Variants in ENTREP1 observed in about 807,000 individuals in gnomAD.
The protein encoded by ENTREP1 is Friedreich ataxia region gene X123.
At chr9:69,384,816 C>T in the ENTREP1 span, among the ~76,000 whole-genome samples, 1 of 143,234 alleles carries the variant, frequency 7.0e-6, no homozygotes, top group African/African-American at 2.6e-5. Flanking sequence ...TAATGTAATA[C>T]TTTGTGTTCT....
At chr9:69,364,913 T>G in the ENTREP1 span, among the ~76,000 whole-genome samples, 1 of 152,170 alleles carries the variant, frequency 6.6e-6, no homozygotes, top group Non-Finnish European at 1.5e-5. Context: ...TGACTTTGAC[T>G]TGTACTTGGC....
chr9:69,354,227 TC>T, the ENTREP1 span, among the ~76,000 whole-genome samples: 1 of 151,620 alleles, frequency 6.6e-6, no homozygotes. Context: ...AGTAAGTCCC[TC>T]TTTCTCTTGT....
At chr9:69,388,613 G>A in the ENTREP1 span, among the ~76,000 whole-genome samples, 66,154 of 152,004 alleles carry the variant, frequency 0.44, 14,885 homozygotes, top group African/African-American at 0.55. Context: ...AAGCCGGGGA[G>A]CTTTCTTTCA....
At chr9:69,386,312 T>A in the ENTREP1 span, 5 of 161,650 alleles carry the variant, frequency 3.1e-5, no homozygotes, top group African/African-American at 1.2e-4. Flanking sequence ...AAAGGATTTT[T>A]GTATACTCCC....
chr9:69,376,091 T>A, the ENTREP1 span, among the ~76,000 whole-genome samples: 1 of 152,182 alleles, frequency 6.6e-6, no homozygotes, highest in South Asian at 2.1e-4. Context: ...AACTGTAAGA[T>A]AGTAAAAAAT....
chr9:69,391,476 C>T, the ENTREP1 span: 1 of 733,868 alleles, frequency 1.4e-6, no homozygotes. Context: ...TGGGAAAATG[C>T]CTTTTTTTTT....
chr9:69,388,608 G>A, the ENTREP1 span, among the ~76,000 whole-genome samples: 23 of 152,272 alleles, frequency 1.5e-4, no homozygotes, highest in African/African-American at 4.3e-4. Flanking sequence ...AGAGGAAGCC[G>A]GGGAGCTTTC....
the ENTREP1 span, chr9:69,383,638 G>A: frequency 6.8e-6 from 11 of 1,613,964 alleles, no homozygotes; most frequent in Non-Finnish European, 9.3e-6. Flanking sequence ...AGGATGGTTG[G>A]TCCTGATGTT....
At chr9:69,342,748 T>C in the ENTREP1 span, among the ~76,000 whole-genome samples, 166 of 152,356 alleles carry the variant, frequency 1.1e-3, 2 homozygotes, top group African/African-American at 3.9e-3. Context: ...GCCTCTCAAT[T>C]TGATGTGTCA....
the ENTREP1 span, among the ~76,000 whole-genome samples, chr9:69,329,066 A>G: frequency 4.6e-5 from 7 of 152,188 alleles, no homozygotes; most frequent in African/African-American, 1.7e-4. Context: ...ATTTTATTGT[A>G]TGGATATGCC....
chr9:69,334,328 G>T, the ENTREP1 span, among the ~76,000 whole-genome samples: 3 of 152,240 alleles, frequency 2.0e-5, no homozygotes, highest in Non-Finnish European at 4.4e-5. Context: ...GGCACACAAA[G>T]AAATTGTCAC....
chr9:69,340,723 A>ATGTG, the ENTREP1 span, among the ~76,000 whole-genome samples: 1 of 51,298 alleles, frequency 1.9e-5, no homozygotes, highest in African/African-American at 9.6e-5. Context: ...GTGTGCATGC[A>ATGTG]TGTGTGTGTG....
chr9:69,340,788 C>CGT, the ENTREP1 span, among the ~76,000 whole-genome samples: 6 of 36,406 alleles, frequency 1.6e-4, no homozygotes, highest in Admixed American at 3.9e-4. Flanking sequence ...TGTGTGTGTG[C>CGT]ATGTGTGTGT....
chr9:69,339,473 C>A, the ENTREP1 span, among the ~76,000 whole-genome samples: 2 of 152,170 alleles, frequency 1.3e-5, no homozygotes, highest in Non-Finnish European at 2.9e-5. Flanking sequence ...GCCTAGTTTT[C>A]TTTTTGGCAC....
the ENTREP1 span, chr9:69,387,686 A>G: frequency 7.0e-5 from 24 of 341,070 alleles, no homozygotes; most frequent in South Asian, 5.8e-4. Flanking sequence ...GGACAAAGGT[A>G]TAGTCAAAGT....
At chr9:69,376,094 T>TA in the ENTREP1 span, among the ~76,000 whole-genome samples, 1 of 152,178 alleles carries the variant, frequency 6.6e-6, no homozygotes, top group Non-Finnish European at 1.5e-5. Flanking sequence ...TGTAAGATAG[T>TA]AAAAAATGGA....
chr9:69,390,647 G>A, the ENTREP1 span, among the ~76,000 whole-genome samples: 2 of 152,170 alleles, frequency 1.3e-5, no homozygotes, highest in African/African-American at 4.8e-5. Flanking sequence ...TGGGTTGACT[G>A]TTTCTTTTTT....
At chr9:69,338,885 T>C in the ENTREP1 span, among the ~76,000 whole-genome samples, 1 of 152,216 alleles carries the variant, frequency 6.6e-6, no homozygotes, top group Non-Finnish European at 1.5e-5. Context: ...ATAGAGATTG[T>C]CTTGAAATGT....
At chr9:69,383,201 T>C in the ENTREP1 span, 1 of 830,306 alleles carries the variant, frequency 1.2e-6, no homozygotes, top group Non-Finnish European at 1.5e-6. Flanking sequence ...TTAACCAAAG[T>C]ATATGATTCA....
Sources: allele counts gnomAD v4.1 joint callset (sites outside exome capture counted in the v4.1 genomes callset), GRCh38; gene constraint gnomAD v4.1.1; transcripts MANE v1.5; gene names NCBI Gene and HGNC (gene_info 2026-07-23, HGNC 2026-07-21).